NEGR1: variants seen among roughly 807,000 people sequenced by gnomAD.
The protein encoded by NEGR1 is IgLON family member 4.
In NEGR1, 10 loss-of-function variants were observed where a neutral mutation model predicts 40.9. The observed-to-expected ratio is 0.24, with a 90% CI of 0.15 to 0.42. NEGR1 has a LOEUF of 0.42. Among genes scored for constraint, NEGR1 ranks in the 10% least tolerant of loss-of-function variants. The pLI, the probability that NEGR1 is intolerant of heterozygous loss-of-function variation, is 1.00. For missense variants in NEGR1, 352 were observed against 438.9 expected, an observed-to-expected ratio of 0.80 and a Z score of 1.77; for synonymous variants, 185 against 166.8, an observed-to-expected ratio of 1.11 and a Z score of -0.84.
intron 2 of NEGR1, among the ~76,000 whole-genome samples, chr1:71,838,655 AACTCT>A (rs969570519): frequency 6.6e-6 from 1 of 152,102 alleles, no homozygotes; most frequent in Non-Finnish European, 1.5e-5. Flanking sequence ...AGTAGTCTTG[AACTCT>A]ACTCTGTTAA....
At chr1:71,918,946 T>C (rs77746266) in intron 2 of NEGR1, among the ~76,000 whole-genome samples, 2,026 of 152,304 alleles carry the variant, frequency 0.013, 23 homozygotes, top group Non-Finnish European at 0.02. Context: ...TTAATCCACA[T>C]AGAATTTTTC....
chr1:72,135,698 C>G (rs1162344849), intron 1 of NEGR1, among the ~76,000 whole-genome samples: 1 of 152,096 alleles, frequency 6.6e-6, no homozygotes, highest in Non-Finnish European at 1.5e-5. Flanking sequence ...GAAAGGACCC[C>G]AATATTTGCA....
intron 6 of NEGR1, among the ~76,000 whole-genome samples, chr1:71,454,730 A>T (rs1164398852): frequency 6.6e-6 from 1 of 152,000 alleles, no homozygotes; most frequent in East Asian, 1.9e-4. Flanking sequence ...TGAACAGATC[A>T]CTCCTTTCTC....
intron 1 of NEGR1, among the ~76,000 whole-genome samples, chr1:72,131,305 C>T (rs1051942023): frequency 6.6e-6 from 1 of 151,792 alleles, no homozygotes; most frequent in African/African-American, 2.4e-5. Flanking sequence ...AGAAATAAGT[C>T]AAGAAAAAAT....
chr1:71,955,372 A>C (rs546809721), intron 1 of NEGR1, among the ~76,000 whole-genome samples: 1 of 152,240 alleles, frequency 6.6e-6, no homozygotes, highest in Non-Finnish European at 1.5e-5. Flanking sequence ...CAATTCTTGA[A>C]TTTTAATATT....
In NEGR1 at chr1:71,592,968, C is replaced by A; in HGVS notation, c.789G>T (p.Lys263Asn). The A allele has an allele frequency of 6.2e-7, 1 of 1,606,406 alleles. No individual in the cohort carries two copies. The highest frequency in any genetic ancestry group is 8.5e-7 in the Non-Finnish European group (1 of 1,173,534). Residue 263 changes from lysine (K) to asparagine (N), a missense_variant and splice_region_variant, in exon 6 of 7, where the codon AAG (lysine) becomes AAT (asparagine). Coordinates refer to ENST00000357731, the MANE Select transcript of NEGR1 (RefSeq NM_173808.3). ...TAATTCCTTGTTGGCCATTGAAGAG[C>A]CTAGAAGACAAAATAAGCTCTAGGT... ...PAFEWYKGEK[K>N]LFNGQQGIII...
intron 3 of NEGR1, among the ~76,000 whole-genome samples, chr1:71,751,630 T>C (rs1655573785): frequency 6.6e-6 from 1 of 152,140 alleles, no homozygotes; most frequent in Admixed American, 6.5e-5. Flanking sequence ...CCAGGAGCTA[T>C]TCAGCCCAGA....
chr1:71,853,889 T>A (rs963868630), intron 2 of NEGR1, among the ~76,000 whole-genome samples: 3 of 152,176 alleles, frequency 2.0e-5, no homozygotes, highest in African/African-American at 4.8e-5. Context: ...TGAATGTGTT[T>A]AGTTCAGAGC....
intron 2 of NEGR1, among the ~76,000 whole-genome samples, chr1:71,780,005 A>G (rs1656649445): frequency 7.7e-6 from 1 of 130,088 alleles, no homozygotes; most frequent in Non-Finnish European, 1.6e-5. Flanking sequence ...GGATGGTCCC[A>G]GGGCGCATCG....
intron 1 of NEGR1, among the ~76,000 whole-genome samples, chr1:72,194,721 A>G (rs554032772): frequency 6.6e-6 from 1 of 152,050 alleles, no homozygotes; most frequent in Non-Finnish European, 1.5e-5. Flanking sequence ...GGGATTTTAT[A>G]TTTGTCTTCC....
intron 6 of NEGR1, among the ~76,000 whole-genome samples, chr1:71,524,357 A>T (rs1327550716): frequency 8.2e-6 from 1 of 122,278 alleles, no homozygotes; most frequent in African/African-American, 2.7e-5. Flanking sequence ...TGTGTGTGTG[A>T]TATCAACCAA....
intron 2 of NEGR1, among the ~76,000 whole-genome samples, chr1:71,819,177 T>C (rs527796072): frequency 6.6e-6 from 1 of 151,998 alleles, no homozygotes; most frequent in Non-Finnish European, 1.5e-5. Context: ...GGTGATAGAA[T>C]TCTGCCCAGC....
intron 1 of NEGR1, among the ~76,000 whole-genome samples, chr1:72,006,349 G>A (rs981660059): frequency 1.3e-5 from 2 of 152,116 alleles, no homozygotes; most frequent in African/African-American, 2.4e-5. Flanking sequence ...TCTGGACCAC[G>A]TAGGTATAGC....
chr1:72,254,950 T>G (rs1570181729), intron 1 of NEGR1, among the ~76,000 whole-genome samples: 1 of 152,144 alleles, frequency 6.6e-6, no homozygotes, highest in Non-Finnish European at 1.5e-5. Flanking sequence ...GCTCAATAGA[T>G]GTATTAAAAA....
intron 1 of NEGR1, among the ~76,000 whole-genome samples, chr1:72,139,475 T>G (rs1381143877): frequency 4.6e-5 from 7 of 151,994 alleles, no homozygotes; most frequent in Admixed American, 3.9e-4. Flanking sequence ...ATTCTATAGA[T>G]TTTAAATGTA....
chr1:71,757,138 G>A (rs145257709), intron 3 of NEGR1, among the ~76,000 whole-genome samples: 5 of 151,834 alleles, frequency 3.3e-5, no homozygotes, highest in Non-Finnish European at 4.4e-5. Context: ...CTCTTTTGTC[G>A]AACTGTCAAA....
intron 1 of NEGR1, among the ~76,000 whole-genome samples, chr1:72,106,035 T>C (rs1197116588): frequency 6.6e-6 from 1 of 152,100 alleles, no homozygotes; most frequent in Admixed American, 6.6e-5. Flanking sequence ...AACTTAATTT[T>C]TGAGGAGGAG....
At chr1:72,003,351 G>A (rs2100385551) in intron 1 of NEGR1, among the ~76,000 whole-genome samples, 1 of 152,010 alleles carries the variant, frequency 6.6e-6, no homozygotes, top group Middle Eastern at 3.4e-3. Context: ...GCACACTGCA[G>A]CCTGCCAACA....
chr1:72,270,560 A>G (rs1290798252), intron 1 of NEGR1, among the ~76,000 whole-genome samples: 1 of 151,856 alleles, frequency 6.6e-6, no homozygotes, highest in African/African-American at 2.4e-5. Context: ...TAGTCCTCTT[A>G]TCAACTATTC....
Sources: gnomAD v4.1 joint callset for allele counts (sites outside exome capture counted in the v4.1 genomes callset) on GRCh38, gnomAD v4.1.1 for gene constraint, MANE v1.5 for transcripts, NCBI Gene and HGNC (gene_info 2026-07-23, HGNC 2026-07-21) for gene names.